The following C1orf54 variants were observed in gnomAD, a reference collection of about 807,000 sequenced individuals.
The protein encoded by C1orf54 is chromosome 1 open reading frame 54.
Under a neutral mutation model 14.7 loss-of-function variants are expected in C1orf54, and 12 were observed. That is an observed-to-expected ratio of 0.82 (90% CI 0.52 to 1.32). The LOEUF is 1.32. Among genes scored for constraint, C1orf54 ranks in the 40% most tolerant of loss-of-function variants. The pLI is 0.00. For missense variants in C1orf54, 163 were observed against 162.2 expected (o/e 1.00, Z -0.03); for synonymous variants, 65 against 56.3 (o/e 1.16, Z -0.70).
downstream of C1orf54, chr1:150,280,919 T>C: frequency 1.3e-6 from 2 of 1,540,322 alleles, no homozygotes; most frequent in East Asian, 4.9e-5. Flanking sequence ...TGAAATAATC[T>C]GGTTACCATC....
At chr1:150,272,548 A>G (rs1459417549), upstream of C1orf54, 2 of 450,692 alleles carry the variant, frequency 4.4e-6, no homozygotes, top group African/African-American at 4.0e-5. Context: ...GGGAGTCTTG[A>G]ATGGATCTAA....
chr1:150,272,001 A>G (rs782735888), upstream of C1orf54, among the ~76,000 whole-genome samples: 2 of 152,118 alleles, frequency 1.3e-5, no homozygotes, highest in Admixed American at 1.3e-4. Context: ...TTAGCTGGGC[A>G]TGGTGGCACG....
intron 1 of C1orf54, among the ~76,000 whole-genome samples, chr1:150,273,140 T>C (rs587652258): frequency 6.6e-6 from 1 of 152,246 alleles, no homozygotes; most frequent in African/African-American, 2.4e-5. Context: ...ACCACGGAAG[T>C]TGAACAAGAT....
chr1:150,270,412 C>T (rs782551107), upstream of C1orf54, among the ~76,000 whole-genome samples: 3 of 151,936 alleles, frequency 2.0e-5, no homozygotes, highest in African/African-American at 4.8e-5. Flanking sequence ...GAGGCCAAGG[C>T]GGCTGGATCA....
At chr1:150,271,803 G>A (rs1553851310), upstream of C1orf54, among the ~76,000 whole-genome samples, 1 of 152,182 alleles carries the variant, frequency 6.6e-6, no homozygotes, top group African/African-American at 2.4e-5. Flanking sequence ...GAGACTATCT[G>A]CTTTCTCCCT....
intron 2 of C1orf54, among the ~76,000 whole-genome samples, chr1:150,275,044 A>ATT (rs1298569209): frequency 8.4e-4 from 125 of 148,728 alleles, no homozygotes; most frequent in Middle Eastern, 3.4e-3. Context: ...AGAAAAAAAA[A>ATT]TTTTTTTTTT....
At chr1:150,278,409 C>T (rs587725823) in intron 4 of C1orf54, among the ~76,000 whole-genome samples, 96 of 152,158 alleles carry the variant, frequency 6.3e-4, no homozygotes, top group African/African-American at 2.3e-3. Context: ...TGGTAATGGC[C>T]AAGCTGAGTT....
chr1:150,272,910 T>C (rs1414727087), intron 1 of C1orf54, 47 bp downstream of exon 1: 2 of 1,602,314 alleles, frequency 1.2e-6, no homozygotes, highest in African/African-American at 2.7e-5. Context: ...TCTTCTACCA[T>C]AAATGGGGTG....
At chr1:150,272,743 G>A (rs1399647489), upstream of C1orf54, 1 of 1,486,518 alleles carries the variant, frequency 6.7e-7, no homozygotes, top group East Asian at 2.3e-5. Flanking sequence ...GGAGGAGGAG[G>A]GGAGGCGGGG....
upstream of C1orf54, chr1:150,269,011 G>A (rs1553850682): frequency 7.5e-6 from 4 of 533,668 alleles, no homozygotes; most frequent in African/African-American, 7.7e-5. Context: ...TACGGAAGCC[G>A]AAGAGGGGAC....
intron 2 of C1orf54, 42 bp downstream of exon 2, chr1:150,274,212 A>G (rs781966380): frequency 1.4e-6 from 2 of 1,381,720 alleles, no homozygotes; most frequent in South Asian, 1.2e-5. Flanking sequence ...AACTGGAGAG[A>G]GGCTTCAGGA....
Position 150,275,726 on chromosome 1 carries a change from C to A in C1orf54, c.131-15C>A. The A allele has an allele frequency of 1.3e-6, 2 of 1,596,122 alleles. No individual in the cohort carries two copies. Among genetic ancestry groups the A allele is most frequent in the Non-Finnish European group, 1.7e-6 (2 of 1,166,038 alleles). The stretch of plus-strand genomic sequence containing the variant: ...TTTTTCTTTAATTATTACTGATTTT[C>A]TTTCTCCTCTGCAGATGACTTTAGT... On this transcript the variant is annotated splice_polypyrimidine_tract_variant and intron_variant, in intron 2 of 5. Transcript: ENST00000369099.
upstream of C1orf54, chr1:150,268,906 C>T: frequency 9.2e-7 from 1 of 1,083,308 alleles, no homozygotes; most frequent in Non-Finnish European, 1.4e-6. Context: ...GGCAACGCGA[C>T]CCCACGAGGG....
intron 4 of C1orf54, among the ~76,000 whole-genome samples, chr1:150,279,427 A>C (rs1472899763): frequency 2.0e-5 from 3 of 152,140 alleles, no homozygotes; most frequent in African/African-American, 7.2e-5. Flanking sequence ...AATAGAAACA[A>C]TTGAATTGAA....
At position 150,274,109 on chromosome 1, in the gene C1orf54, A is replaced by C; in HGVS notation, c.69A>C (p.Glu23Asp). Residue 23 changes from glutamate to aspartate, a missense_variant, in exon 2 of 6, where the codon GAA becomes GAC. Transcript: ENST00000369099. ...LILGQEYEDE[E>D]RLGEDEYYQV... ...TAGGACAAGAATATGAGGATGAAGA[A>C]AGACTGGGAGAGGATGAATATTATC... is the stretch of plus-strand genomic sequence containing the variant. 1 of 1,612,316 alleles carries C rather than the reference A, an allele frequency of 6.2e-7. No individual in the cohort carries two copies. Among genetic ancestry groups the C allele is most frequent in the Non-Finnish European group, 8.5e-7 (1 of 1,178,410 alleles).
At chr1:150,272,974 A>T (rs879964146) in intron 1 of C1orf54, 111 bp downstream of exon 1, 1 of 1,222,732 alleles carries the variant, frequency 8.2e-7, no homozygotes, top group Admixed American at 1.8e-5. Flanking sequence ...GGAGCGATAG[A>T]GTTTTCTCAT....
chr1:150,274,788 C>T (rs1553852058), intron 2 of C1orf54, among the ~76,000 whole-genome samples: 1 of 151,032 alleles, frequency 6.6e-6, no homozygotes, highest in Non-Finnish European at 1.5e-5. Flanking sequence ...TGGCACCTGC[C>T]TGTAGTCCCA....
At chr1:150,272,543 T>C, upstream of C1orf54, 1 of 433,174 alleles carries the variant, frequency 2.3e-6, no homozygotes, top group African/African-American at 2.0e-5. Flanking sequence ...ACAGTGGGAG[T>C]CTTGAATGGA....
chr1:150,272,593 A>C, upstream of C1orf54: 6 of 569,946 alleles, frequency 1.1e-5, no homozygotes, highest in Non-Finnish European at 1.9e-5. Context: ...ACATGTTTGC[A>C]TCAAAACCCC....
Sources: gnomAD v4.1 joint callset for allele counts (sites outside exome capture counted in the v4.1 genomes callset) on GRCh38, gnomAD v4.1.1 for gene constraint, MANE v1.5 for transcripts, NCBI Gene and HGNC (gene_info 2026-07-23, HGNC 2026-07-21) for gene names.